CMA1: variants seen among roughly 807,000 people sequenced by gnomAD.
CMA1 encodes the protein chymase.
A neutral mutation model predicts 18.8 loss-of-function variants in CMA1; 24 were observed. That is an observed-to-expected ratio of 1.28 (90% CI 0.92 to 1.80). CMA1 has a LOEUF of 1.80. Ranked by LOEUF, CMA1 falls within the 40% of genes most tolerant of loss-of-function variation. The probability of loss-of-function intolerance (pLI) is 0.00; values close to 1 mark genes in which losing one functional copy is unlikely to be tolerated. For missense variants in CMA1, 421 were observed against 302.8 expected, an observed-to-expected ratio of 1.39 and a Z score of -2.90; for synonymous variants, 152 against 117.0, an observed-to-expected ratio of 1.30 and a Z score of -1.93.
chr14:24,508,024 GT>G, intron 1 of CMA1, 153 bp downstream of exon 1: 1 of 654,654 alleles, frequency 1.5e-6, no homozygotes. Flanking sequence ...GGGGGTGGGG[GT>G]GGGGTGGCAC....
rs376603993 is a variant in CMA1, at chr14:24,506,457, A to C, written c.345+12T>G. ...AATGGGAAGTGGAAAGGGAGAAGAG[A>C]GGTGTTGTCACCTTTAGTAACATGA... is the stretch of plus-strand genomic sequence containing the variant. On this transcript the variant is annotated intron_variant, in intron 3 of 4. Coordinates refer to ENST00000250378, the MANE Select transcript of CMA1 (RefSeq NM_001836.5). 1.2e-6 allele frequency: 2 copies of C among 1,613,830 alleles called. No homozygotes were observed. The highest frequency in any genetic ancestry group is 1.7e-6 in the Non-Finnish European group (2 of 1,179,930).
In CMA1 at chr14:24,508,207, A is replaced by G. The variant is rs757604592; in HGVS notation, c.29T>C (p.Leu10Pro). ...TTCAGCTCTGGAGCACAAGAGAAAG[A>G]GCAGCAGGGGGAGAGGAAGAAGCAG... MLLLPLPLL[L>P]FLLCSRAEAG... Residue 10 changes from leucine (L) to proline (P), a missense_variant, in exon 1 of 5, where the codon CTC becomes CCC. Coordinates refer to ENST00000250378, the MANE Select transcript of CMA1 (RefSeq NM_001836.5). 4.3e-6 allele frequency: 7 copies of G among 1,613,808 alleles called. No homozygotes were observed. The East Asian group carries it at 1.6e-4, about 36-fold the overall frequency.
intron 2 of CMA1, 137 bp downstream of exon 2, chr14:24,507,217 CTT>C (rs1473722110): frequency 1.4e-5 from 14 of 991,568 alleles, no homozygotes; most frequent in Non-Finnish European, 2.0e-5. Context: ...AGACTAAAGT[CTT>C]TCAGCCCAAG....
At chr14:24,506,759 G>T (rs1032807431) in intron 2 of CMA1, among the ~76,000 whole-genome samples, 155 bp from the exon 3 acceptor site, 2 of 152,120 alleles carry the variant, frequency 1.3e-5, no homozygotes, top group Non-Finnish European at 2.9e-5. Flanking sequence ...GGCATTTGAG[G>T]GCTCAGGCTT....
intron 1 of CMA1, 88 bp from the exon 2 acceptor site, chr14:24,507,594 C>T: frequency 3.4e-6 from 5 of 1,455,392 alleles, no homozygotes; most frequent in Non-Finnish European, 4.7e-6. Context: ...AGCTAGGCTT[C>T]CCTGGAATCT....
chr14:24,508,099 G>A (rs764892446), intron 1 of CMA1, 79 bp downstream of exon 1: 36 of 1,351,188 alleles, frequency 2.7e-5, no homozygotes, highest in South Asian at 8.5e-5. Flanking sequence ...CTGTTTAGGA[G>A]TCAGCTATTT....
In CMA1 at chr14:24,506,141, G is replaced by T; in HGVS notation, c.487C>A (p.Gln163Lys). The change falls in exon 4 of 5, where the codon CAA (glutamine) becomes AAA (lysine). Residue 163 changes from glutamine (Q) to lysine (K), a missense_variant. Gln to Lys is a moderately conservative substitution (Grantham distance 53). Coordinates refer to ENST00000250378, the MANE Select transcript of CMA1 (RefSeq NM_001836.5). The part of the protein sequence containing the change: ...GVLKPGSDTL[Q>K]EVKLRLMDPQ... ...TCCATGAGTCTCAGCTTCACCTCTT[G>T]CAGAGTGTCTGAGCCCGGCTTCAAC... The T allele has an allele frequency of 6.2e-7, 1 of 1,614,186 alleles. No individual in the cohort carries two copies. Among genetic ancestry groups the T allele is most frequent in the South Asian group, 1.1e-5 (1 of 91,080 alleles).
chr14:24,506,150 C>CT lies in CMA1; in HGVS notation c.477dup (p.Asp160ArgfsTer23), dbSNP rs1388669399. The CT allele has an allele frequency of 6.2e-7, 1 of 1,614,062 alleles. No individual in the cohort carries two copies. The highest frequency in any genetic ancestry group is 1.3e-5 in the African/African-American group (1 of 74,924). ...CTCAGCTTCACCTCTTGCAGAGTGT[C>CT]TGAGCCCGGCTTCAACACACCTGTT... On this transcript the variant is annotated frameshift_variant, in exon 4 of 5. Transcript: ENST00000250378. LOFTEE classifies it high-confidence loss of function.
At chr14:24,506,359 G>T (rs1594786749) in intron 3 of CMA1, 77 bp from the exon 4 acceptor site, 16 of 1,590,868 alleles carry the variant, frequency 1.0e-5, no homozygotes, top group Non-Finnish European at 1.4e-5. Context: ...GGGACAGGGT[G>T]AGTAGCTTCA....
chr14:24,505,593 C>T lies in CMA1; in HGVS notation c.667G>A (p.Asp223Asn). 6.2e-7 allele frequency: 1 copy of T among 1,613,954 alleles called. No homozygotes were observed. Among genetic ancestry groups the T allele is most frequent in the Non-Finnish European group, 8.5e-7 (1 of 1,180,006 alleles). ...GTGAAGACAGCAGGGGGCTTTGCAT[C>T]CGACCGTCCATAGGATACGATGCCC... ...AQGIVSYGRS[D>N]AKPPAVFTRI... Residue 223 changes from aspartate (D) to asparagine (N), a missense_variant, in exon 5 of 5, where the codon GAT becomes AAT. Coordinates refer to ENST00000250378, the MANE Select transcript of CMA1 (RefSeq NM_001836.5).
chr14:24,507,271 T>C, intron 2 of CMA1, 85 bp downstream of exon 2: 2 of 1,524,398 alleles, frequency 1.3e-6, no homozygotes, highest in South Asian at 2.2e-5. Context: ...GGACCCCCTC[T>C]TCAGTCCCCA....
chr14:24,505,540 G>C lies in CMA1; in HGVS notation c.720C>G (p.Ile240Met). The part of the protein sequence containing the change: ...FTRISHYRPW[I>M]NQILQAN ...ATTAATTTGCCTGCAGGATCTGGTT[G>C]ATCCAGGGCCGGTAATGGGAGATTC... Residue 240 changes from isoleucine to methionine, a missense_variant, in exon 5 of 5, where the codon ATC becomes ATG. Transcript: ENST00000250378. 1 of 1,614,122 alleles carries C rather than the reference G, an allele frequency of 6.2e-7. No individual in the cohort carries two copies. Among genetic ancestry groups the C allele is most frequent in the African/African-American group, 1.3e-5 (1 of 75,038 alleles).
chr14:24,505,758 C>T (rs970944165), intron 4 of CMA1, 99 bp from the exon 5 acceptor site: 18 of 1,424,164 alleles, frequency 1.3e-5, no homozygotes, highest in Middle Eastern at 2.6e-4. Flanking sequence ...AAGTCAGACG[C>T]AGGAGGTGGA....
Position 24,506,078 on chromosome 14 carries a change from TGTG to T in CMA1, c.547_549del (p.His183del). The T allele has an allele frequency of 1.2e-6, 2 of 1,614,156 alleles. No individual in the cohort carries two copies. Among genetic ancestry groups the T allele is most frequent in the Middle Eastern group, 1.6e-4 (1 of 6,062 alleles). On this transcript the variant is annotated inframe_deletion, in exon 4 of 5. Coordinates refer to ENST00000250378, the MANE Select transcript of CMA1 (RefSeq NM_001836.5). Reference sequence around the variant, plus strand: ...GGATTGCCCACACACAGCTGAAGATTGTGGTCAAAGTCTCTGAAGTGGCTGCAG... The same window carrying T: ...GGATTGCCCACACACAGCTGAAGATTGTCAAAGTCTCTGAAGTGGCTGCAG...
In CMA1 at chr14:24,508,066, T is replaced by A. The variant is rs908399704; in HGVS notation, c.58+112A>T. On this transcript the variant is annotated intron_variant, in intron 1 of 4. Transcript: ENST00000250378. ...CCAAGTGGAAATTTCCCTCTGGGAC[T>A]CTTGAAGAGAGATCTTGGAACCCTG... 1.2e-5 allele frequency: 12 copies of A among 1,034,232 alleles called. No individual in the cohort carries two copies. The Admixed American group carries it at 2.5e-4, about 22-fold the overall frequency. The allele number at this position is 1,034,232 out of a possible 1,614,324, so 64.1% of individuals were successfully genotyped here.
intron 1 of CMA1, 181 bp downstream of exon 1, chr14:24,507,997 A>G (rs2043873204): frequency 5.4e-6 from 3 of 557,996 alleles, no homozygotes; most frequent in Non-Finnish European, 9.3e-6. Context: ...CCTAGGCTGT[A>G]GAGAATGGCA....
rs772739296 is a variant in CMA1 at position 24,507,478 on chromosome 14, CT to C, written c.86del (p.Lys29SerfsTer14). On this transcript the variant is annotated frameshift_variant, in exon 2 of 5. Transcript: ENST00000250378. LOFTEE classifies it high-confidence loss of function. ...AGGCCATGTAGGGGCGGGAATGTGG[CT>C]TGCATTCTGTGCCCCCGATGATCTC... ...AGEIIGGTECKPHSRPYMAYL... is the reference protein window; with the variant it reads ...AGEIIGGTECXPHSRPYMAYL... 1.9e-6 allele frequency: 3 copies of C among 1,614,030 alleles called. No individual in the cohort carries two copies. In the African/African-American group the frequency reaches 4.0e-5, roughly 22 times the overall value.
At chr14:24,505,946 A>G (rs190452117) in intron 4 of CMA1, 82 bp downstream of exon 4, 332 of 1,542,066 alleles carry the variant, frequency 2.2e-4, no homozygotes, top group Non-Finnish European at 2.8e-4. Flanking sequence ...CTGACTGACA[A>G]CCTTCTGACC....
chr14:24,506,475 TA>T lies in CMA1; in HGVS notation c.338del (p.Leu113TyrfsTer2). ...NTSTLHHDIM[L>X]LKLKEKASLT... ...AGAAGAGAGGTGTTGTCACCTTTAG[TA>T]ACATGATATCGTGGTGAAGAGTAGA... On this transcript the variant is annotated frameshift_variant, in exon 3 of 5. Transcript: ENST00000250378. LOFTEE classifies it high-confidence loss of function. The T allele has an allele frequency of 3.7e-6, 6 of 1,614,182 alleles. No homozygotes were observed. Among genetic ancestry groups the T allele is most frequent in the Non-Finnish European group, 5.1e-6 (6 of 1,180,024 alleles).
Sources: gnomAD v4.1 joint callset for allele counts (sites outside exome capture counted in the v4.1 genomes callset) on GRCh38, gnomAD v4.1.1 for gene constraint, MANE v1.5 for transcripts, NCBI Gene and HGNC (gene_info 2026-07-23, HGNC 2026-07-21) for gene names.